PSME1: variants seen among roughly 807,000 people sequenced by gnomAD.
PSME1 encodes the protein proteasome activator subunit 1.
Under a neutral mutation model 38.4 loss-of-function variants are expected in PSME1, and 15 were observed. That is an observed-to-expected ratio of 0.39 (90% CI 0.26 to 0.60). PSME1 has a LOEUF of 0.60. Ranked by LOEUF, PSME1 falls within the 20% of genes least tolerant of loss-of-function variation. The probability of loss-of-function intolerance (pLI) is 0.53; values close to 1 mark genes in which losing one functional copy is unlikely to be tolerated. For missense variants in PSME1, 249 were observed against 305.6 expected, an observed-to-expected ratio of 0.81 and a Z score of 1.38; for synonymous variants, 106 against 106.8, an observed-to-expected ratio of 0.99 and a Z score of 0.05.
At chr14:24,138,444 A>T in intron 9 of PSME1, 30 bp from the exon 10 acceptor site, 1 of 1,614,158 alleles carries the variant, frequency 6.2e-7, no homozygotes, top group South Asian at 1.1e-5. Context: ...GGACACATGT[A>T]AGGTCAGGCC....
intron 7 of PSME1, 34 bp downstream of exon 7, chr14:24,138,151 T>C (rs2037947067): frequency 6.2e-7 from 1 of 1,614,114 alleles, no homozygotes; most frequent in Non-Finnish European, 8.5e-7. Context: ...TGCTCTTTTC[T>C]AGTCCATGCT....
Position 24,136,313 on chromosome 14 carries a change from G to T in PSME1, c.39+12G>T. 6.6e-7 allele frequency: 1 copy of T among 1,521,828 alleles called. No individual in the cohort carries two copies. The highest frequency in any genetic ancestry group is 8.8e-7 in the Non-Finnish European group (1 of 1,135,882). The allele number at this position is 1,521,828 out of a possible 1,614,324, so 94.3% of individuals were successfully genotyped here. Reference sequence around the variant, plus strand: ...AGGCCCAAGCCAAGGTGAGCGCCGCGGGGTCTAGAAAGGGCCCACTGGGGA... The same window carrying T: ...AGGCCCAAGCCAAGGTGAGCGCCGCTGGGTCTAGAAAGGGCCCACTGGGGA... On this transcript the variant is annotated intron_variant, in intron 1 of 10. Transcript: ENST00000206451. This position sits in a 1 kb window ranked among gnomAD's most constrained non-coding sequence, Gnocchi z 4.8.
In PSME1 at chr14:24,138,128, T is replaced by A. The variant is rs761470803; in HGVS notation, c.459+11T>A. Reference sequence around the variant, plus strand: ...GGAGTGGCTGTCCAGGTGAGAGCGCTGCCCCACTTCCCTGCTCTTTTCTAG... The same window carrying A: ...GGAGTGGCTGTCCAGGTGAGAGCGCAGCCCCACTTCCCTGCTCTTTTCTAG... On this transcript the variant is annotated intron_variant, in intron 7 of 10. Coordinates refer to ENST00000206451, the MANE Select transcript of PSME1 (RefSeq NM_006263.4). The A allele has an allele frequency of 6.2e-7, 1 of 1,614,066 alleles. No homozygotes were observed. Among genetic ancestry groups the A allele is most frequent in the African/African-American group, 1.3e-5 (1 of 74,936 alleles).
Position 24,136,726 on chromosome 14 carries a change from C to T in PSME1, c.40-259C>T, listed in dbSNP as rs111494585. On this transcript the variant is annotated intron_variant, in intron 1 of 10. Transcript: ENST00000206451. The surrounding 1 kb of genome is among the most constrained non-coding windows in gnomAD (Gnocchi z 4.8). ...TTCTCACGTGAACACTGGCCCTTCA[C>T]CGCCAGGAATGTTCTCATCCCCCAT... Among the ~76,000 whole-genome samples, 6 of 152,188 alleles carry T rather than the reference C, an allele frequency of 3.9e-5. No homozygotes were observed. The highest frequency in any genetic ancestry group is 1.4e-4 in the African/African-American group (6 of 41,508).
chr14:24,137,827 T>C lies in PSME1; in HGVS notation c.390+30T>C, dbSNP rs762034806. 3 of 1,604,650 alleles carry C rather than the reference T, an allele frequency of 1.9e-6. No homozygotes were observed. In the South Asian group the frequency reaches 3.3e-5, roughly 18 times the overall value. On this transcript the variant is annotated intron_variant, in intron 6 of 10. Coordinates refer to ENST00000206451, the MANE Select transcript of PSME1 (RefSeq NM_006263.4). The stretch of plus-strand genomic sequence containing the variant: ...GCCCTCCCCCTTAAACTCTCAGGCT[T>C]CAAGTCAAACCATTGTCCTCTTGGT...
chr14:24,136,438 C>A lies in PSME1; in HGVS notation c.39+137C>A. 2.3e-6 allele frequency: 2 copies of A among 856,252 alleles called. No homozygotes were observed. Among genetic ancestry groups the A allele is most frequent in the Non-Finnish European group, 3.3e-6 (2 of 607,790 alleles). 53.0% of individuals were successfully genotyped at this position (856,252 alleles called of 1,614,324 possible). A position where few individuals can be genotyped will look rare whatever the true frequency, so the allele number is the denominator to read the frequency against. ...AGCTGGCGCGCCCGGAGCACCTGCG[C>A]CCCGGGGAGGGCGGCGACTGCTGCC... On this transcript the variant is annotated intron_variant, in intron 1 of 10. Transcript: ENST00000206451. The surrounding 1 kb of genome is among the most constrained non-coding windows in gnomAD (Gnocchi z 4.8).
chr14:24,138,870 C>T lies in PSME1; in HGVS notation c.*54C>T, dbSNP rs2037972349. On this transcript the variant is annotated 3_prime_UTR_variant, in exon 11 of 11. Coordinates refer to ENST00000206451, the MANE Select transcript of PSME1 (RefSeq NM_006263.4). Reference sequence around the variant, plus strand: ...ACAGCAGAGACCTTCCTGCTTTTTACTGGGGACTCCAGATTTTCCCCAAAC... The same window carrying T: ...ACAGCAGAGACCTTCCTGCTTTTTATTGGGGACTCCAGATTTTCCCCAAAC... 6 of 1,596,220 alleles carry T rather than the reference C, an allele frequency of 3.8e-6. No individual in the cohort carries two copies. The highest frequency in any genetic ancestry group is 5.1e-6 in the Non-Finnish European group (6 of 1,168,856).
At chr14:24,137,828 C>G (rs766413867) in intron 6 of PSME1, 31 bp downstream of exon 6, 1 of 1,601,410 alleles carries the variant, frequency 6.2e-7, no homozygotes, top group Non-Finnish European at 8.6e-7. Flanking sequence ...TCTCAGGCTT[C>G]AAGTCAAACC....
rs1359522294 is a variant in PSME1, at chr14:24,137,211, G to A, written c.135+6G>A. 5 of 1,613,912 alleles carry A rather than the reference G, an allele frequency of 3.1e-6. No homozygotes were observed. The highest frequency in any genetic ancestry group is 2.2e-5 in the East Asian group (1 of 44,892). ...AGCTGGATGCATTTTTAAAGGTACCGCGGCTGGGCAGGGAGCTAGGGAGTA... is the reference window on the plus strand; with the variant it reads ...AGCTGGATGCATTTTTAAAGGTACCACGGCTGGGCAGGGAGCTAGGGAGTA... On this transcript the variant is annotated splice_donor_region_variant and intron_variant, in intron 3 of 10. Transcript: ENST00000206451.
In PSME1 at chr14:24,137,395, G is replaced by T; in HGVS notation, c.210G>T (p.Lys70Asn). The change falls in exon 4 of 11, where the codon AAG becomes AAT. Residue 70 changes from lysine (K) to asparagine (N), a missense_variant. Coordinates refer to ENST00000206451, the MANE Select transcript of PSME1 (RefSeq NM_006263.4). ...ACATCCCAGTGCCTGATCCAGTCAA[G>T]GAGAAAGAGAAAGAGGAGCGGAAGA... The part of the protein sequence containing the change: ...PLDIPVPDPV[K>N]EKEKEERKKQ... 6.2e-7 allele frequency: 1 copy of T among 1,614,118 alleles called. No homozygotes were observed. The highest frequency in any genetic ancestry group is 1.1e-5 in the South Asian group (1 of 91,074).
intron 6 of PSME1, 103 bp from the exon 7 acceptor site, chr14:24,137,946 C>T (rs907708592): frequency 6.6e-7 from 1 of 1,508,694 alleles, no homozygotes; most frequent in Non-Finnish European, 9.2e-7. Flanking sequence ...TCAGGATAGA[C>T]CCGGCACGCC....
At position 24,138,030 on chromosome 14, in the gene PSME1, T is replaced by C. The variant is rs1313331269; in HGVS notation, c.391-19T>C. On this transcript the variant is annotated intron_variant, in intron 6 of 10. Coordinates refer to ENST00000206451, the MANE Select transcript of PSME1 (RefSeq NM_006263.4). Reference sequence around the variant, plus strand: ...TGGGTAGAGGGCTGATGTGGCATTATGCCATTCCCTCTTCCCAGGTCACCA... The same window carrying C: ...TGGGTAGAGGGCTGATGTGGCATTACGCCATTCCCTCTTCCCAGGTCACCA... 6.2e-7 allele frequency: 1 copy of C among 1,613,466 alleles called. No homozygotes were observed. The highest frequency in any genetic ancestry group is 1.3e-5 in the African/African-American group (1 of 75,052).
In PSME1 at chr14:24,136,887, C is replaced by T; in HGVS notation, c.40-98C>T. On this transcript the variant is annotated intron_variant, in intron 1 of 10. Coordinates refer to ENST00000206451, the MANE Select transcript of PSME1 (RefSeq NM_006263.4). The surrounding 1 kb of genome is among the most constrained non-coding windows in gnomAD (Gnocchi z 4.8). ...TCTGGCCTTAGAGGGATCCCCTCCA[C>T]CCTTCCCCAGGTCAGGCCCTACATA... The T allele has an allele frequency of 1.4e-6, 2 of 1,468,568 alleles. No individual in the cohort carries two copies. Among genetic ancestry groups the T allele is most frequent in the South Asian group, 2.3e-5 (2 of 87,404 alleles). The allele number at this position is 1,468,568 out of a possible 1,614,324, so 91.0% of individuals were successfully genotyped here.
Position 24,138,518 on chromosome 14 carries a change from C to A in PSME1, c.627C>A (p.Tyr209Ter). ...TGCACGAGCTGGATGAGGCAGAGTA[C>A]CGGGACATCCGGCTGATGGTCATGG... is the stretch of plus-strand genomic sequence containing the variant. ...QLVHELDEAE[Y>*]RDIRLMVMEI... Residue 209 changes from tyrosine (Y) to a stop codon, truncating the protein, a stop_gained, in exon 10 of 11, where the codon TAC (tyrosine) becomes TAA (stop). Transcript: ENST00000206451. LOFTEE classifies it high-confidence loss of function. 6.2e-7 allele frequency: 1 copy of A among 1,613,988 alleles called. No individual in the cohort carries two copies. The highest frequency in any genetic ancestry group is 8.5e-7 in the Non-Finnish European group (1 of 1,180,036).
rs145204434 is a variant in PSME1 at position 24,138,638 on chromosome 14, G to C, written c.669+78G>C. ...CCCACTCCCTGACCCTGCAGGCTAG[G>C]GGTTAAGGGTGACAAAGCTCAGCTT... is the stretch of plus-strand genomic sequence containing the variant. On this transcript the variant is annotated intron_variant, in intron 10 of 10. Coordinates refer to ENST00000206451, the MANE Select transcript of PSME1 (RefSeq NM_006263.4). 4.3e-6 allele frequency: 7 copies of C among 1,613,480 alleles called. No homozygotes were observed. The African/African-American group carries it at 6.7e-5, about 15-fold the overall frequency.
Position 24,136,365 on chromosome 14 carries a change from C to G in PSME1, c.39+64C>G. 7.1e-7 allele frequency: 1 copy of G among 1,414,852 alleles called. No individual in the cohort carries two copies. Among genetic ancestry groups the G allele is most frequent in the Non-Finnish European group, 9.3e-7 (1 of 1,069,664 alleles). 87.6% of individuals were successfully genotyped at this position (1,414,852 alleles called of 1,614,324 possible). ...GCGTGGCTGGAGCGGCCGGGGGCAT[C>G]CCCGACCCGCCCCCCAGGCTCCCAC... On this transcript the variant is annotated intron_variant, in intron 1 of 10. Transcript: ENST00000206451. This position sits in a 1 kb window ranked among gnomAD's most constrained non-coding sequence, Gnocchi z 4.8.
In PSME1 at chr14:24,137,395, G is replaced by A; in HGVS notation, c.210G>A (p.Lys70=). The change falls in exon 4 of 11, where the codon AAG becomes AAA. Residue 70 remains lysine, a synonymous_variant. Coordinates refer to ENST00000206451, the MANE Select transcript of PSME1 (RefSeq NM_006263.4). ...ACATCCCAGTGCCTGATCCAGTCAA[G>A]GAGAAAGAGAAAGAGGAGCGGAAGA... ...PLDIPVPDPV[K]EKEKEERKKQ... is the part of the protein sequence containing the mutation. The A allele has an allele frequency of 6.2e-7, 1 of 1,614,120 alleles. No individual in the cohort carries two copies. Among genetic ancestry groups the A allele is most frequent in the African/African-American group, 1.3e-5 (1 of 75,022 alleles).
rs757735546 is a variant in PSME1 at position 24,137,765 on chromosome 14, G to A, written c.358G>A (p.Glu120Lys). 2 of 1,614,098 alleles carry A rather than the reference G, an allele frequency of 1.2e-6. No individual in the cohort carries two copies. The highest frequency in any genetic ancestry group is 2.7e-5 in the African/African-American group (2 of 74,942). The change falls in exon 6 of 11, where the codon GAG becomes AAG. Residue 120 changes from glutamate to lysine, a missense_variant. Physicochemically the swap from Glu to Lys is moderately conservative, Grantham distance 56 (BLOSUM62 1). Transcript: ENST00000206451. ...GGTCCTTCTGCAGCGCTTGAAGCCT[G>A]AGATCAAGGATGTCATTGAGCAGCT... ...IVVLLQRLKP[E>K]IKDVIEQLNL...
chr14:24,137,380 G>C lies in PSME1; in HGVS notation c.195G>C (p.Val65=). 1 of 1,614,106 alleles carries C rather than the reference G, an allele frequency of 6.2e-7. No homozygotes were observed. Among genetic ancestry groups the C allele is most frequent in the Non-Finnish European group, 8.5e-7 (1 of 1,180,034 alleles). ...SNLKAPLDIP[V]PDPVKEKEKE... is the part of the protein sequence containing the mutation. ...TGAAGGCCCCATTGGACATCCCAGT[G>C]CCTGATCCAGTCAAGGAGAAAGAGA... is the stretch of plus-strand genomic sequence containing the variant. The change falls in exon 4 of 11, where the codon GTG becomes GTC. Residue 65 remains valine (V), a synonymous_variant. Transcript: ENST00000206451.
Sources: allele counts gnomAD v4.1 joint callset (sites outside exome capture counted in the v4.1 genomes callset), GRCh38; gene constraint gnomAD v4.1.1; non-coding constraint Gnocchi (gnomAD v3.1); transcripts MANE v1.5; gene names NCBI Gene and HGNC (gene_info 2026-07-23, HGNC 2026-07-21).